BEAN1: variants seen among roughly 807,000 people sequenced by gnomAD.
The protein encoded by BEAN1 is protein BEAN1.
BEAN1 carries 17 observed loss-of-function variants against 17.7 expected under a neutral mutation model. The ratio of observed to expected loss-of-function variants is 0.96; its 90% CI spans 0.66 to 1.44. The LOEUF (loss-of-function observed/expected upper bound fraction) is 1.44, where lower values mean the gene tolerates loss of function less well. Ranked by LOEUF, BEAN1 falls within the 40% of genes most tolerant of loss-of-function variation. BEAN1 has a pLI of 0.00. For synonymous variants in BEAN1, 142 were observed against 151.8 expected, an observed-to-expected ratio of 0.94 and a Z score of 0.47; for missense variants, 359 against 374.1, an observed-to-expected ratio of 0.96 and a Z score of 0.33.
Position 66,477,626 on chromosome 16 carries a change from A to T in BEAN1, c.356A>T (p.Asp119Val), listed in dbSNP as rs776094965. The part of the protein sequence containing the change: ...RMRYACSSSE[D>V]WPPPLDISSD... ...CGCTATGCCTGCAGCTCCTCAGAGG[A>T]CTGGCCCCCACCCTTGGACATCAGC... Residue 119 changes from aspartate to valine, a missense_variant, in exon 4 of 5, where the codon GAC becomes GTC. Physicochemically the swap from Asp to Val is radical, Grantham distance 152. Transcript: ENST00000536005. 4.5e-6 allele frequency: 7 copies of T among 1,551,132 alleles called. No homozygotes were observed. Among genetic ancestry groups the T allele is most frequent in the African/African-American group, 1.4e-5 (1 of 73,032 alleles).
chr16:66,483,063 T>C, downstream of BEAN1: 1 of 362,794 alleles, frequency 2.8e-6, no homozygotes, highest in Non-Finnish European at 5.4e-6. Flanking sequence ...GGTCTCACTA[T>C]GTTGCCCAGG....
At chr16:66,446,964 T>C (rs1041145771) in intron 2 of BEAN1, among the ~76,000 whole-genome samples, 2 of 152,228 alleles carry the variant, frequency 1.3e-5, no homozygotes, top group East Asian at 3.9e-4. Flanking sequence ...GCCTGCATGC[T>C]TCAAAGACAA....
chr16:66,472,825 G>A (rs534832600), intron 3 of BEAN1, among the ~76,000 whole-genome samples: 1 of 152,012 alleles, frequency 6.6e-6, no homozygotes, highest in Non-Finnish European at 1.5e-5. Flanking sequence ...TTTGAGACCA[G>A]CCTGGGCAAC....
intron 2 of BEAN1, among the ~76,000 whole-genome samples, chr16:66,444,997 T>C (rs373877560): frequency 6.6e-6 from 1 of 152,226 alleles, no homozygotes; most frequent in African/African-American, 2.4e-5. Flanking sequence ...ATTTATTCAT[T>C]CGTTCAACAA....
chr16:66,461,611 CACAA>C (rs1963088496), intron 2 of BEAN1, among the ~76,000 whole-genome samples: 1 of 149,408 alleles, frequency 6.7e-6, no homozygotes, highest in African/African-American at 2.5e-5. Context: ...CACACACACA[CACAA>C]ACGCACGCAC....
intron 2 of BEAN1, among the ~76,000 whole-genome samples, chr16:66,468,662 A>G (rs1183563601): frequency 6.6e-6 from 1 of 152,180 alleles, no homozygotes. Context: ...TGAAAGGAGA[A>G]AGTTGCATCC....
rs553725837 is a variant in BEAN1 at position 66,437,763 on chromosome 16, G to A, written c.25+62G>A. On this transcript the variant is annotated intron_variant, in intron 2 of 4. Coordinates refer to ENST00000536005, the MANE Select transcript of BEAN1 (RefSeq NM_001178020.3). ...CCAGGCAAGGGCAGAGCTTGGAGTC[G>A]AGCTGCAGAGAACGGCTTGAGGTGT... 4.7e-5 allele frequency: 70 copies of A among 1,491,018 alleles called. No individual in the cohort carries two copies. In the East Asian group the frequency reaches 1.2e-3, roughly 26 times the overall value. 92.4% of individuals were successfully genotyped at this position (1,491,018 alleles called of 1,614,324 possible).
At chr16:66,450,144 T>C (rs1230281515) in intron 2 of BEAN1, among the ~76,000 whole-genome samples, 5 of 152,188 alleles carry the variant, frequency 3.3e-5, no homozygotes, top group Non-Finnish European at 7.3e-5. Flanking sequence ...TCTTAGCACA[T>C]CCAGGGTTTC....
intron 2 of BEAN1, among the ~76,000 whole-genome samples, chr16:66,444,999 G>T (rs184917673): frequency 6.6e-6 from 1 of 152,270 alleles, no homozygotes; most frequent in East Asian, 1.9e-4. Flanking sequence ...TTATTCATTC[G>T]TTCAACAAAT....
chr16:66,469,864 C>T lies in BEAN1; in HGVS notation c.288C>T (p.Tyr96=), dbSNP rs1168621983. ...RRRHREYEHG[Y]VSDEHTYSRS... ...GACACCGAGAGTACGAGCACGGCTA[C>T]GGTGAGCCGCCGCCCACCCTGGGGC... Residue 96 remains tyrosine, a splice_region_variant and synonymous_variant, in exon 3 of 5, where the codon TAC becomes TAT. Transcript: ENST00000536005. 24 of 1,532,940 alleles carry T rather than the reference C, an allele frequency of 1.6e-5. No homozygotes were observed. Among genetic ancestry groups the T allele is most frequent in the East Asian group, 4.9e-5 (2 of 40,838 alleles). The allele number at this position is 1,532,940 out of a possible 1,614,324, so 95.0% of individuals were successfully genotyped here. A position where few individuals can be genotyped will look rare whatever the true frequency, so the allele number is the denominator to read the frequency against.
chr16:66,475,308 T>C (rs1438443231), intron 3 of BEAN1, among the ~76,000 whole-genome samples: 1 of 152,126 alleles, frequency 6.6e-6, no homozygotes, highest in African/African-American at 2.4e-5. Flanking sequence ...AGCCTCAGTT[T>C]TCCCAAGATG....
chr16:66,467,574 A>G (rs192563196), intron 2 of BEAN1, among the ~76,000 whole-genome samples: 1 of 152,318 alleles, frequency 6.6e-6, no homozygotes, highest in East Asian at 1.9e-4. Flanking sequence ...TATAGGGATT[A>G]CAATTAAAGG....
intron 2 of BEAN1, among the ~76,000 whole-genome samples, chr16:66,454,669 CA>C (rs1962797920): frequency 6.8e-6 from 1 of 147,982 alleles, no homozygotes; most frequent in African/African-American, 2.5e-5. Context: ...TTTACTCTGA[CA>C]ATCTCTGCCC....
At chr16:66,437,778 G>A (rs1221283773) in intron 2 of BEAN1, 77 bp downstream of exon 2, 2 of 1,475,724 alleles carry the variant, frequency 1.4e-6, no homozygotes, top group Non-Finnish European at 1.8e-6. Context: ...GCAGAGAACG[G>A]CTTGAGGTGT....
At chr16:66,479,039 G>A (rs1228014598) in intron 4 of BEAN1, 1 of 152,310 alleles carries the variant, frequency 6.6e-6, no homozygotes. Context: ...ACGCCGCCCA[G>A]GTTGATGCTC....
intron 3 of BEAN1, 98 bp from the exon 4 acceptor site, chr16:66,477,462 G>T (rs1426809434): frequency 7.9e-6 from 10 of 1,268,954 alleles, no homozygotes; most frequent in Non-Finnish European, 1.0e-5. Context: ...GTCAGGTGGG[G>T]AATCAGAGCC....
At chr16:66,465,464 G>T (rs1963229372) in intron 2 of BEAN1, among the ~76,000 whole-genome samples, 1 of 152,058 alleles carries the variant, frequency 6.6e-6, no homozygotes, top group African/African-American at 2.4e-5. Context: ...TATGGAAATT[G>T]GTATTATTTC....
chr16:66,440,338 C>A (rs1345595149), intron 2 of BEAN1, among the ~76,000 whole-genome samples: 1 of 152,008 alleles, frequency 6.6e-6, no homozygotes, highest in Non-Finnish European at 1.5e-5. Context: ...CATCATTTGA[C>A]CAGGCTCGTC....
downstream of BEAN1, among the ~76,000 whole-genome samples, chr16:66,486,873 G>C (rs536859478): frequency 5.3e-5 from 8 of 152,358 alleles, no homozygotes; most frequent in East Asian, 1.5e-3. Flanking sequence ...TGCTGGGGCA[G>C]GGTCAGGCGG....
Sources: allele counts gnomAD v4.1 joint callset (sites outside exome capture counted in the v4.1 genomes callset), GRCh38; gene constraint gnomAD v4.1.1; transcripts MANE v1.5; gene names NCBI Gene and HGNC (gene_info 2026-07-23, HGNC 2026-07-21).